The following UAP1 variants were observed in gnomAD, a reference collection of about 807,000 sequenced individuals.
UAP1 encodes the protein UDP-N-acetylglucosamine pyrophosphorylase 1.
A neutral mutation model predicts 58.5 loss-of-function variants in UAP1; 25 were observed. The ratio of observed to expected loss-of-function variants is 0.43; its 90% CI spans 0.31 to 0.60. The LOEUF (loss-of-function observed/expected upper bound fraction) is 0.60, where lower values mean the gene tolerates loss of function less well. Among genes scored for constraint, UAP1 ranks in the 20% least tolerant of loss-of-function variants. The pLI is 0.11. For synonymous variants in UAP1, 208 were observed against 213.0 expected (o/e 0.98, Z 0.21); for missense variants, 575 against 630.0 (o/e 0.91, Z 0.93).
exon 8 of UAP1, chr1:162,590,348 C>G (rs752863150): frequency 6.2e-7 from 1 of 1,611,420 alleles, no homozygotes. Flanking sequence ...TGAAGTATTG[C>G]GAGAAGATGA....
intron 4 of UAP1, 46 bp downstream of exon 4, chr1:162,579,649 A>G: frequency 8.0e-6 from 11 of 1,372,316 alleles, no homozygotes; most frequent in African/African-American, 1.4e-5. Flanking sequence ...GGATAACAAC[A>G]TAAATCATCA....
intron 2 of UAP1, 61 bp from the exon 3 acceptor site, chr1:162,576,716 A>G (rs1037635633): frequency 5.5e-6 from 8 of 1,453,440 alleles, no homozygotes; most frequent in Admixed American, 5.3e-5. Context: ...CTACCTATGT[A>G]TATTTAATAC....
chr1:162,574,890 G>T (rs1384435520), intron 2 of UAP1, among the ~76,000 whole-genome samples: 1 of 150,952 alleles, frequency 6.6e-6, no homozygotes, highest in Non-Finnish European at 1.5e-5. Flanking sequence ...AATTTATTTT[G>T]GTTTGAAGAA....
intron 9 of UAP1, among the ~76,000 whole-genome samples, chr1:162,595,112 G>T (rs1331085059): frequency 2.0e-5 from 3 of 152,216 alleles, no homozygotes; most frequent in Non-Finnish European, 4.4e-5. Context: ...CATGGCTAAA[G>T]AATTGTGGGG....
At chr1:162,599,403 T>G (rs1465667382) in exon 11 of UAP1, 1 of 1,383,694 alleles carries the variant, frequency 7.2e-7, no homozygotes, top group Non-Finnish European at 1.0e-6. Context: ...AGGAATAGCT[T>G]TTATTTTTGA....
At chr1:162,569,322 TGGTTATTCA>T (rs1653715974) in intron 2 of UAP1, among the ~76,000 whole-genome samples, 1 of 152,196 alleles carries the variant, frequency 6.6e-6, no homozygotes, top group Non-Finnish European at 1.5e-5. Flanking sequence ...AAGTATCTGG[TGGTTATTCA>T]GATGATAATG....
intron 1 of UAP1, among the ~76,000 whole-genome samples, chr1:162,565,598 AG>A (rs1653440764): frequency 6.6e-6 from 1 of 152,246 alleles, no homozygotes; most frequent in African/African-American, 2.4e-5. Context: ...TTAAGCAGTC[AG>A]GTGTTCTTTC....
Position 162,587,521 on chromosome 1 carries a change from G to A in UAP1, c.881G>A (p.Arg294Gln), listed in dbSNP as rs766124704. 46 of 1,613,876 alleles carry A rather than the reference G, an allele frequency of 2.9e-5. No individual in the cohort carries two copies. Among genetic ancestry groups the A allele is most frequent in the Non-Finnish European group, 3.4e-5 (40 of 1,179,952 alleles). Residue 294 changes from arginine to glutamine, a missense_variant, in exon 6 of 11, where the codon CGA becomes CAA. By Grantham distance (43) the Arg-to-Gln change is conservative (BLOSUM62 1). Transcript: ENST00000271469. Reference sequence around the variant, plus strand: ...ACAGAACCAGTTGGAGTGGTTTGCCGAGTGGATGGAGTTTACCAGGTGGTA... The same window carrying A: ...ACAGAACCAGTTGGAGTGGTTTGCCAAGTGGATGGAGTTTACCAGGTGGTA...
intron 10 of UAP1, among the ~76,000 whole-genome samples, chr1:162,598,107 C>T (rs1226668857): frequency 1.3e-5 from 2 of 152,084 alleles, no homozygotes; most frequent in Non-Finnish European, 2.9e-5. Flanking sequence ...TGGCTCACTC[C>T]TGTAATCCCA....
At chr1:162,564,581 C>T (rs1653371688) in intron 1 of UAP1, among the ~76,000 whole-genome samples, 2 of 152,204 alleles carry the variant, frequency 1.3e-5, no homozygotes, top group South Asian at 4.1e-4. Flanking sequence ...TTCATACCTG[C>T]AGTTGTCTTT....
chr1:162,564,331 C>T (rs928362609), intron 1 of UAP1, among the ~76,000 whole-genome samples: 7 of 152,048 alleles, frequency 4.6e-5, no homozygotes, highest in East Asian at 3.9e-4. Flanking sequence ...ATAAGGTAAC[C>T]GAGGCATGGG....
chr1:162,589,209 A>ATATATTATATATAATATTTATATAT (rs10679970), intron 7 of UAP1, among the ~76,000 whole-genome samples: 1 of 111,928 alleles, frequency 8.9e-6, no homozygotes, highest in Non-Finnish European at 1.7e-5. Context: ...TTATATTTAA[A>ATATATTATATATAATATTTATATAT]TATATATAAT....
chr1:162,577,419 A>T (rs961769820), intron 3 of UAP1, among the ~76,000 whole-genome samples: 15 of 131,288 alleles, frequency 1.1e-4, no homozygotes, highest in Non-Finnish European at 1.9e-4. Context: ...CACCTTGGTC[A>T]GTGTTAGTTC....
At chr1:162,601,059 T>C (rs532371170), downstream of UAP1, among the ~76,000 whole-genome samples, 46 of 152,294 alleles carry the variant, frequency 3.0e-4, no homozygotes, top group African/African-American at 1.1e-3. Flanking sequence ...AGAGGAGCGA[T>C]GGCTGGGGAA....
chr1:162,569,966 G>A (rs1172000137), intron 2 of UAP1, among the ~76,000 whole-genome samples: 4 of 152,036 alleles, frequency 2.6e-5, no homozygotes, highest in African/African-American at 7.2e-5. Flanking sequence ...TGGCTAACAC[G>A]ATGAAACCCC....
At chr1:162,579,660 A>C in intron 4 of UAP1, 57 bp downstream of exon 4, 2 of 1,337,684 alleles carry the variant, frequency 1.5e-6, no homozygotes, top group Non-Finnish European at 2.0e-6. Context: ...TAAATCATCA[A>C]ATGTTGATTT....
chr1:162,581,116 T>C (rs779568904), intron 4 of UAP1, among the ~76,000 whole-genome samples, 171 bp from the exon 5 acceptor site: 68 of 152,360 alleles, frequency 4.5e-4, no homozygotes, highest in Non-Finnish European at 6.5e-4. Context: ...TTCAAAATCC[T>C]ATAGTTCAAT....
At chr1:162,592,984 GA>G in intron 9 of UAP1, 1 of 570,028 alleles carries the variant, frequency 1.8e-6, no homozygotes, top group East Asian at 2.9e-5. Context: ...GCTGGAAATG[GA>G]GAGCATGCTT....
chr1:162,590,260 A>G (rs1655217154), intron 7 of UAP1, 63 bp from the exon 8 acceptor site: 2 of 1,345,342 alleles, frequency 1.5e-6, no homozygotes, highest in African/African-American at 1.5e-5. Flanking sequence ...TAGCTATGTT[A>G]AAGGGTTAGA....
Sources: allele counts gnomAD v4.1 joint callset (sites outside exome capture counted in the v4.1 genomes callset), GRCh38; gene constraint gnomAD v4.1.1; transcripts MANE v1.5; gene names NCBI Gene and HGNC (gene_info 2026-07-23, HGNC 2026-07-21).